The following IQCH variants were observed in gnomAD, a reference collection of about 807,000 sequenced individuals.
The protein encoded by IQCH is IQ motif containing H.
In IQCH, 98 loss-of-function variants were observed where a neutral mutation model predicts 117.0. The observed-to-expected ratio is 0.84, with a 90% CI of 0.71 to 0.99. The LOEUF (loss-of-function observed/expected upper bound fraction) is 0.99, where lower values mean the gene tolerates loss of function less well. Among genes scored for constraint, IQCH ranks in the 50% least tolerant of loss-of-function variants. The probability of loss-of-function intolerance (pLI) is 0.00; values close to 1 mark genes in which losing one functional copy is unlikely to be tolerated. For synonymous variants in IQCH, 412 were observed against 448.2 expected (o/e 0.92, Z 1.02); for missense variants, 1,102 against 1,243.8 (o/e 0.89, Z 1.72).
chr15:67,408,407 C>G lies in IQCH; in HGVS notation c.2097+8102C>G, dbSNP rs981497543. 3.3e-5 allele frequency: 5 copies of G among 152,180 alleles called. No homozygotes were observed. Among genetic ancestry groups the G allele is most frequent in the African/African-American group, 4.8e-5 (2 of 41,426 alleles). 9.4% of individuals were successfully genotyped at this position (152,180 alleles called of 1,614,324 possible). ...AAACTCAGACTTTCCTGTGACTGTG[C>G]CAGATCCAACAAAAATCCTGACTTT... On this transcript the variant is annotated intron_variant, in intron 14 of 20. Coordinates refer to ENST00000335894, the MANE Select transcript of IQCH (RefSeq NM_001031715.3). This position sits in a 1 kb window ranked among gnomAD's most constrained non-coding sequence, Gnocchi z 4.2.
intron 4 of IQCH, chr15:67,306,696 T>G (rs1169578948): frequency 2.8e-6 from 2 of 716,340 alleles, no homozygotes; most frequent in Non-Finnish European, 4.9e-6. Context: ...CTTCAGAATT[T>G]TATATCCTGT....
chr15:67,286,017 T>C (rs1966548734), intron 4 of IQCH, among the ~76,000 whole-genome samples: 1 of 152,212 alleles, frequency 6.6e-6, no homozygotes, highest in Non-Finnish European at 1.5e-5. Context: ...ATCTGTAGAT[T>C]GCTTTGGGTA....
At chr15:67,294,594 T>C (rs1397769812) in intron 4 of IQCH, among the ~76,000 whole-genome samples, 2 of 152,146 alleles carry the variant, frequency 1.3e-5, no homozygotes, top group Non-Finnish European at 2.9e-5. Context: ...AACACAGATA[T>C]GACATCTGGA....
intron 4 of IQCH, among the ~76,000 whole-genome samples, chr15:67,297,673 T>A (rs751566809): frequency 1.3e-5 from 2 of 152,188 alleles, no homozygotes; most frequent in Non-Finnish European, 2.9e-5. Context: ...CTTTAAATTG[T>A]CATTCTACTA....
At chr15:67,497,065 T>TTGCAAGTGGCAAA (rs1410428338) in intron 20 of IQCH, among the ~76,000 whole-genome samples, 1 of 151,188 alleles carries the variant, frequency 6.6e-6, no homozygotes, top group East Asian at 1.9e-4. Context: ...GTATCTCTGT[T>TTGCAAGTGGCAAA]TGCAAGTGGC....
chr15:67,379,939 G>A (rs1462730397), intron 10 of IQCH, among the ~76,000 whole-genome samples: 3 of 151,938 alleles, frequency 2.0e-5, no homozygotes, highest in African/African-American at 7.3e-5. Context: ...CGCAACCTCC[G>A]CCTCCTGGGT....
At chr15:67,320,742 T>C (rs1567093957) in intron 4 of IQCH, among the ~76,000 whole-genome samples, 1 of 152,224 alleles carries the variant, frequency 6.6e-6, no homozygotes, top group Non-Finnish European at 1.5e-5. Flanking sequence ...CATTGTTAGC[T>C]ATGTGTTAAT....
intron 6 of IQCH, among the ~76,000 whole-genome samples, chr15:67,352,673 G>T (rs1005454708): frequency 6.6e-6 from 1 of 151,868 alleles, no homozygotes. Flanking sequence ...GGCTAAAATT[G>T]TGGATGAAAA....
chr15:67,322,871 G>A (rs1197114783), intron 4 of IQCH, among the ~76,000 whole-genome samples: 2 of 152,130 alleles, frequency 1.3e-5, no homozygotes, highest in African/African-American at 4.8e-5. Context: ...AATGGGGAGT[G>A]TGTGCTGATT....
At chr15:67,358,202 C>CTTTTTTTTTTTTTTTT (rs1555462676) in intron 7 of IQCH, among the ~76,000 whole-genome samples, 6 of 5,974 alleles carry the variant, frequency 1.0e-3, no homozygotes, top group Non-Finnish European at 1.4e-3. Flanking sequence ...GAGGCACTTT[C>CTTTTTTTTTTTTTTTT]TTTTCTTTTT....
At chr15:67,439,812 C>T (rs754681794) in intron 16 of IQCH, among the ~76,000 whole-genome samples, 6 of 149,304 alleles carry the variant, frequency 4.0e-5, no homozygotes, top group Non-Finnish European at 8.9e-5. Flanking sequence ...CACTTGAACC[C>T]GGGAGGCAGA....
At chr15:67,412,194 A>G (rs1159141138) in intron 14 of IQCH, among the ~76,000 whole-genome samples, 1 of 152,204 alleles carries the variant, frequency 6.6e-6, no homozygotes, top group East Asian at 1.9e-4. Context: ...TCAAAAGTCA[A>G]GTGTATTTTT....
At chr15:67,418,425 G>T (rs190545688) in intron 15 of IQCH, among the ~76,000 whole-genome samples, 1 of 150,832 alleles carries the variant, frequency 6.6e-6, no homozygotes, top group Admixed American at 6.6e-5. Flanking sequence ...CTAAAATTTT[G>T]TGATTCTGTA....
In IQCH at chr15:67,463,090, A is replaced by T. The variant is rs138771128; in HGVS notation, c.2506-2037A>T. 1.3e-3 allele frequency among the ~76,000 whole-genome samples: 205 copies of T among 152,302 alleles called. 1 individual carries two copies. The highest frequency in any genetic ancestry group is 4.7e-3 in the African/African-American group (195 of 41,552). On this transcript the variant is annotated intron_variant, in intron 16 of 20. Coordinates refer to ENST00000335894, the MANE Select transcript of IQCH (RefSeq NM_001031715.3). The surrounding 1 kb of genome is among the most constrained non-coding windows in gnomAD (Gnocchi z 4.0). ...CTTATAATGACGCCATTTACATTCA[A>T]TGCTTACTCAAGTCACTCACTGCTA...
chr15:67,436,402 A>G lies in IQCH; in HGVS notation c.2505+14825A>G, dbSNP rs576173290. The stretch of plus-strand genomic sequence containing the variant: ...GAAATACAGGGGTAGAGGAAGAAGC[A>G]GAAAGGCCCTAGGAGCTCACTGCAT... On this transcript the variant is annotated intron_variant, in intron 16 of 20. Transcript: ENST00000335894. This position sits in a 1 kb window ranked among gnomAD's most constrained non-coding sequence, Gnocchi z 5.1. Among the ~76,000 whole-genome samples, 122 of 152,318 alleles carry G rather than the reference A, an allele frequency of 8.0e-4. 2 individuals carry two copies. Among genetic ancestry groups the G allele is most frequent in the African/African-American group, 2.1e-3 (86 of 41,568 alleles).
rs1195197443 is a variant in IQCH at position 67,454,566 on chromosome 15, T to A, written c.2506-10561T>A. On this transcript the variant is annotated intron_variant, in intron 16 of 20. Transcript: ENST00000335894. This position sits in a 1 kb window ranked among gnomAD's most constrained non-coding sequence, Gnocchi z 5.2. ...TGTACACATTAGAAGTCACTCCCCA[T>A]ACCTCCTTCCTCACAGCCACTGGAA... 3.3e-5 allele frequency among the ~76,000 whole-genome samples: 5 copies of A among 152,190 alleles called. No individual in the cohort carries two copies. The highest frequency in any genetic ancestry group is 5.9e-5 in the Non-Finnish European group (4 of 68,024).
chr15:67,265,183 G>A (rs1263501113), intron 3 of IQCH, among the ~76,000 whole-genome samples: 1 of 152,232 alleles, frequency 6.6e-6, no homozygotes, highest in Non-Finnish European at 1.5e-5. Flanking sequence ...TTCAGGTTAT[G>A]ATAGCTGAAA....
rs530987372 is a variant in IQCH, at chr15:67,417,888, G to A, written c.2218+837G>A. Among the ~76,000 whole-genome samples, 6 of 152,120 alleles carry A rather than the reference G, an allele frequency of 3.9e-5. No homozygotes were observed. The highest frequency in any genetic ancestry group is 7.3e-5 in the Non-Finnish European group (5 of 68,030). On this transcript the variant is annotated intron_variant, in intron 15 of 20. Coordinates refer to ENST00000335894, the MANE Select transcript of IQCH (RefSeq NM_001031715.3). The surrounding 1 kb of genome is among the most constrained non-coding windows in gnomAD (Gnocchi z 4.3). ...CTGTCAAGTGATAATAATAATCTCA[G>A]CAATAATCAATAATGATAAGATAAT...
At position 67,399,649 on chromosome 15, in the gene IQCH, G is replaced by A. The variant is rs183178940; in HGVS notation, c.1906-465G>A. Among the ~76,000 whole-genome samples the A allele has an allele frequency of 1.4e-4, 21 of 152,210 alleles. No individual in the cohort carries two copies. The East Asian group carries it at 3.3e-3, about 24-fold the overall frequency. On this transcript the variant is annotated intron_variant, in intron 13 of 20. Transcript: ENST00000335894. ...TACATTAATGAGGAAAAAATTAAAT[G>A]TTTTATAGTTTATAGCAGTAAAAAG...
Sources: allele counts gnomAD v4.1 joint callset (sites outside exome capture counted in the v4.1 genomes callset), GRCh38; gene constraint gnomAD v4.1.1; non-coding constraint Gnocchi (gnomAD v3.1); transcripts MANE v1.5; gene names NCBI Gene and HGNC (gene_info 2026-07-23, HGNC 2026-07-21).